The following ZZZ3 variants were observed in gnomAD, a reference collection of about 807,000 sequenced individuals.
The protein encoded by ZZZ3 is ZZ-type zinc finger-containing protein 3.
A neutral mutation model predicts 95.2 loss-of-function variants in ZZZ3; 22 were observed. The observed-to-expected ratio is 0.23, with a 90% CI of 0.17 to 0.33. The LOEUF is 0.33. Ranked by LOEUF, ZZZ3 falls within the 10% of genes least tolerant of loss-of-function variation. The pLI is 1.00. For missense variants in ZZZ3, 885 were observed against 1,066.5 expected (o/e 0.83, Z 2.37); for synonymous variants, 335 against 358.9 (o/e 0.93, Z 0.75).
intron 12 of ZZZ3, among the ~76,000 whole-genome samples, chr1:77,571,833 G>A (rs940245108): frequency 2.0e-5 from 3 of 152,166 alleles, no homozygotes; most frequent in Non-Finnish European, 4.4e-5. Context: ...TGTAAGCTGA[G>A]AGCTCTGGAA....
At chr1:77,675,605 T>C (rs1019954702) in intron 1 of ZZZ3, among the ~76,000 whole-genome samples, 3 of 152,174 alleles carry the variant, frequency 2.0e-5, no homozygotes, top group Non-Finnish European at 4.4e-5. Context: ...CACACTTTTT[T>C]TTTTTTCAAA....
At chr1:77,682,169 G>A (rs1283127497) in intron 1 of ZZZ3, among the ~76,000 whole-genome samples, 1 of 152,200 alleles carries the variant, frequency 6.6e-6, no homozygotes, top group Non-Finnish European at 1.5e-5. Context: ...ATGACACCCA[G>A]AGAAAATAGA....
At chr1:77,653,781 CA>C (rs1352158928) in intron 1 of ZZZ3, among the ~76,000 whole-genome samples, 17 of 151,884 alleles carry the variant, frequency 1.1e-4, no homozygotes, top group African/African-American at 3.9e-4. Context: ...GATAATATTA[CA>C]AATAACTTCA....
intron 5 of ZZZ3, among the ~76,000 whole-genome samples, chr1:77,598,387 G>C (rs763015650): frequency 1.3e-5 from 2 of 152,108 alleles, no homozygotes; most frequent in Non-Finnish European, 2.9e-5. Context: ...AGAAGGAAGA[G>C]GAGGGGTTGG....
chr1:77,643,843 T>C (rs1263665500), intron 1 of ZZZ3, among the ~76,000 whole-genome samples: 2 of 152,104 alleles, frequency 1.3e-5, no homozygotes, highest in African/African-American at 2.4e-5. Context: ...ATCCCTAAAT[T>C]CTCAGGCAAA....
intron 5 of ZZZ3, among the ~76,000 whole-genome samples, chr1:77,610,503 C>T (rs562636792): frequency 2.6e-5 from 4 of 151,528 alleles, no homozygotes; most frequent in Admixed American, 2.6e-4. Context: ...GACAAAGACA[C>T]GTTAAAAAAA....
At chr1:77,630,912 T>C (rs148527935) in intron 5 of ZZZ3, among the ~76,000 whole-genome samples, 82 of 152,366 alleles carry the variant, frequency 5.4e-4, no homozygotes, top group African/African-American at 1.9e-3. Context: ...AGTATTTATG[T>C]ACAGTCTATA....
At chr1:77,582,684 T>TTA (rs1351077751) in intron 6 of ZZZ3, among the ~76,000 whole-genome samples, 1 of 151,012 alleles carries the variant, frequency 6.6e-6, no homozygotes, top group Non-Finnish European at 1.5e-5. Flanking sequence ...TTTTTTTTTT[T>TTA]AAGTCCCAGA....
Position 77,632,988 on chromosome 1 carries a change from G to C in ZZZ3, c.367C>G (p.Leu123Val), listed in dbSNP as rs1333418007. 1 of 1,614,038 alleles carries C rather than the reference G, an allele frequency of 6.2e-7. No homozygotes were observed. Among genetic ancestry groups the C allele is most frequent in the South Asian group, 1.1e-5 (1 of 91,080 alleles). ...SPVLKRIKRCLRSEAPNSSEE... is the reference protein window; with the variant it reads ...SPVLKRIKRCVRSEAPNSSEE... ...GAACTGTTTGGTGCTTCAGATCTAAGACAACGCTTAATTCTTTTTAAAACT... is the reference window on the plus strand; with the variant it reads ...GAACTGTTTGGTGCTTCAGATCTAACACAACGCTTAATTCTTTTTAAAACT... Residue 123 changes from leucine to valine, a missense_variant, in exon 5 of 15, where the codon CTT becomes GTT. By Grantham distance (32) the Leu-to-Val change is conservative. Coordinates refer to ENST00000370801, the MANE Select transcript of ZZZ3 (RefSeq NM_015534.6).
At chr1:77,592,671 C>G (rs1663828510) in intron 5 of ZZZ3, among the ~76,000 whole-genome samples, 1 of 151,924 alleles carries the variant, frequency 6.6e-6, no homozygotes, top group South Asian at 2.1e-4. Context: ...AAGCTGAGCT[C>G]AAAAATATTT....
At chr1:77,673,709 A>C (rs997881192) in intron 1 of ZZZ3, among the ~76,000 whole-genome samples, 1 of 151,666 alleles carries the variant, frequency 6.6e-6, no homozygotes, top group South Asian at 2.1e-4. Flanking sequence ...TTGATTTTAT[A>C]ATCTACACAC....
At chr1:77,667,595 T>A (rs550150675) in intron 1 of ZZZ3, among the ~76,000 whole-genome samples, 21 of 152,228 alleles carry the variant, frequency 1.4e-4, no homozygotes, top group African/African-American at 4.8e-4. Context: ...CTTCTTTTTT[T>A]CCTCCCCATT....
Position 77,565,682 on chromosome 1 carries a change from A to T in ZZZ3, c.2670T>A (p.Ser890Arg), listed in dbSNP as rs775550861. 2.7e-5 allele frequency: 44 copies of T among 1,614,010 alleles called. No homozygotes were observed. Among genetic ancestry groups the T allele is most frequent in the Non-Finnish European group, 3.7e-5 (44 of 1,179,888 alleles). The change falls in exon 15 of 15, where the codon AGT (serine) becomes AGA (arginine). Residue 890 changes from serine (S) to arginine (R), a missense_variant. Coordinates refer to ENST00000370801, the MANE Select transcript of ZZZ3 (RefSeq NM_015534.6). Reference sequence around the variant, plus strand: ...AGTAGTTTGGGTCAAGGTAATTGTAACTGGTGCCCTGAGACACACAGTAGT... The same window carrying T: ...AGTAGTTTGGGTCAAGGTAATTGTATCTGGTGCCCTGAGACACACAGTAGT... ...DRDYCVSQGT[S>R]YNYLDPNYFP... is the part of the protein sequence containing the mutation.
Position 77,633,219 on chromosome 1 carries a change from G to A in ZZZ3, c.136C>T (p.Arg46Ter). 6.2e-7 allele frequency: 1 copy of A among 1,614,004 alleles called. No homozygotes were observed. The highest frequency in any genetic ancestry group is 8.5e-7 in the Non-Finnish European group (1 of 1,179,986). ...PEEISSNSQV[R>*]SRSPKKRPEP... ...GGTCTCTTCTTTGGTGATCTTGATCGTACTTGAGAATTAGAAGAGATTTCT... is the reference window on the plus strand; with the variant it reads ...GGTCTCTTCTTTGGTGATCTTGATCATACTTGAGAATTAGAAGAGATTTCT... The change falls in exon 5 of 15, where the codon CGA becomes TGA. Residue 46 changes from arginine (R) to a stop codon, truncating the protein, a stop_gained. Coordinates refer to ENST00000370801, the MANE Select transcript of ZZZ3 (RefSeq NM_015534.6). LOFTEE classifies it high-confidence loss of function.
chr1:77,643,708 C>T (rs1668989834), intron 1 of ZZZ3, among the ~76,000 whole-genome samples: 1 of 152,204 alleles, frequency 6.6e-6, no homozygotes. Context: ...ATTCACAGCA[C>T]ACATGTAATC....
intron 5 of ZZZ3, among the ~76,000 whole-genome samples, chr1:77,597,061 C>T (rs187775378): frequency 1.2e-3 from 181 of 151,948 alleles, no homozygotes; most frequent in African/African-American, 4.3e-3. Flanking sequence ...GACAGATGGC[C>T]GATTCTAGAA....
At chr1:77,583,642 C>A (rs772616721) in intron 6 of ZZZ3, among the ~76,000 whole-genome samples, 22 of 152,292 alleles carry the variant, frequency 1.4e-4, no homozygotes, top group Middle Eastern at 3.4e-3. Flanking sequence ...GCTCTCCTAA[C>A]ACCTGGTAGA....
chr1:77,579,445 G>A, intron 10 of ZZZ3, 82 bp downstream of exon 10: 3 of 985,072 alleles, frequency 3.0e-6, no homozygotes, highest in East Asian at 2.6e-5. Context: ...ATGGCAGATC[G>A]CCCAATGTCA....
chr1:77,621,541 C>T (rs1666861584), intron 5 of ZZZ3, among the ~76,000 whole-genome samples: 1 of 148,300 alleles, frequency 6.7e-6, no homozygotes, highest in Non-Finnish European at 1.5e-5. Flanking sequence ...AAAGTCCAGG[C>T]ATGGTGCCTC....
Sources: allele counts gnomAD v4.1 joint callset (sites outside exome capture counted in the v4.1 genomes callset), GRCh38; gene constraint gnomAD v4.1.1; transcripts MANE v1.5; gene names NCBI Gene and HGNC (gene_info 2026-07-23, HGNC 2026-07-21).